The following PTCH1 variants were observed in gnomAD, a reference collection of about 807,000 sequenced individuals.
The protein encoded by PTCH1 is protein patched homolog 1.
In PTCH1, 14 loss-of-function variants were observed where a neutral mutation model predicts 144.6. That is an observed-to-expected ratio of 0.10 (90% CI 0.06 to 0.15). The LOEUF is 0.15. Among genes scored for constraint, PTCH1 ranks in the 10% least tolerant of loss-of-function variants. The pLI, the probability that PTCH1 is intolerant of heterozygous loss-of-function variation, is 1.00. For missense variants in PTCH1, 1,623 were observed against 1,948.3 expected (o/e 0.83, Z 3.14); for synonymous variants, 833 against 793.6 (o/e 1.05, Z -0.83).
rs781080456 is a variant in PTCH1 at position 95,449,187 on chromosome 9, G to A, written c.3686C>T (p.Thr1229Met). ...CTCCTCGCTGAGGCCTGACACTGTC[G>A]TCTGGGAACTATACTCCGAGTCGGA... ...DSSDSEYSSQ[T>M]TVSGLSEELR... The change falls in exon 22 of 24, where the codon ACG (threonine) becomes ATG (methionine). Residue 1229 changes from threonine (T) to methionine (M), a missense_variant. By Grantham distance (81) the Thr-to-Met change is moderately conservative (BLOSUM62 -1). Around this residue, in one of 7 missense-constraint regions of PTCH1, gnomAD observed 504 missense variants for 679.3 expected, o/e 0.74. Coordinates refer to ENST00000331920, the MANE Select transcript of PTCH1 (RefSeq NM_000264.5). This position sits in a 1 kb window ranked among gnomAD's most constrained non-coding sequence, Gnocchi z 5.3. 16 of 1,611,494 alleles carry A rather than the reference G, an allele frequency of 9.9e-6. No homozygotes were observed. The highest frequency in any genetic ancestry group is 1.7e-5 in the Admixed American group (1 of 59,506).
intron 12 of PTCH1, among the ~76,000 whole-genome samples, chr9:95,470,636 A>G (rs1440226893): frequency 2.0e-5 from 3 of 152,196 alleles, no homozygotes; most frequent in African/African-American, 7.2e-5. Context: ...CCTAGTAAAA[A>G]TTACAAAATT....
intron 20 of PTCH1, chr9:95,451,341 T>A (rs1398370211): frequency 6.6e-6 from 1 of 152,208 alleles, no homozygotes; most frequent in Non-Finnish European, 1.5e-5. Context: ...CAGTGTCTGC[T>A]CATTTATTTG....
At chr9:95,467,092 C>CCTCCCAG in intron 15 of PTCH1, 24 bp downstream of exon 15, 1 of 1,612,444 alleles carries the variant, frequency 6.2e-7, no homozygotes, top group Non-Finnish European at 8.5e-7. Context: ...ACCGAAAGGA[C>CCTCCCAG]GAGAGCCTCC....
Position 95,507,939 on chromosome 9 carries a change from C to T in PTCH1, c.201+222G>A, listed in dbSNP as rs1843852240. 9 of 1,449,496 alleles carry T rather than the reference C, an allele frequency of 6.2e-6. No homozygotes were observed. The South Asian group carries it at 9.6e-5, about 15-fold the overall frequency. The allele number at this position is 1,449,496 out of a possible 1,614,324, so 89.8% of individuals were successfully genotyped here. ...ACACACGCACACACACACACCTCCA[C>T]CCCCTGCGGACCTCAGACAGCCCTT... On this transcript the variant is annotated intron_variant, in intron 1 of 23. Coordinates refer to ENST00000331920, the MANE Select transcript of PTCH1 (RefSeq NM_000264.5).
intron 2 of PTCH1, among the ~76,000 whole-genome samples, chr9:95,504,322 G>A (rs375797028): frequency 6.6e-6 from 1 of 152,144 alleles, no homozygotes; most frequent in East Asian, 1.9e-4. Context: ...AAAACTGCTA[G>A]GAAGCACACT....
At chr9:95,504,863 A>G (rs2118849105) in intron 2 of PTCH1, among the ~76,000 whole-genome samples, 1 of 152,320 alleles carries the variant, frequency 6.6e-6, no homozygotes. Flanking sequence ...AGTGTCGCAC[A>G]CACTTGAGTC....
At chr9:95,466,023 G>T (rs1358620436) in intron 15 of PTCH1, among the ~76,000 whole-genome samples, 1 of 152,102 alleles carries the variant, frequency 6.6e-6, no homozygotes, top group Non-Finnish European at 1.5e-5. Flanking sequence ...TTCTAAGAGT[G>T]AAGAAGCCAA....
intron 5 of PTCH1, among the ~76,000 whole-genome samples, chr9:95,481,090 T>C (rs1841499181): frequency 6.6e-6 from 1 of 152,192 alleles, no homozygotes; most frequent in African/African-American, 2.4e-5. Context: ...GCCTCTGCCA[T>C]CACCACCATC....
chr9:95,467,550 GTTGTTCTCCCATAGGAA>G, intron 14 of PTCH1, 125 bp from the exon 15 acceptor site: 1 of 926,644 alleles, frequency 1.1e-6, no homozygotes, highest in South Asian at 1.4e-5. Context: ...TCTTGTAGGG[GTTGTTCTCCCATAGGAA>G]AAAGGATAAA....
At chr9:95,488,553 C>T (rs969951865) in intron 2 of PTCH1, among the ~76,000 whole-genome samples, 4 of 148,040 alleles carry the variant, frequency 2.7e-5, no homozygotes, top group Non-Finnish European at 6.0e-5. Flanking sequence ...AGTTTAGTTG[C>T]CACCCATTTT....
At chr9:95,466,802 C>T (rs1355235917) in intron 15 of PTCH1, among the ~76,000 whole-genome samples, 1 of 152,196 alleles carries the variant, frequency 6.6e-6, no homozygotes, top group Middle Eastern at 3.2e-3. Flanking sequence ...AAACTAGCCA[C>T]CGTCTATCCA....
intron 2 of PTCH1, among the ~76,000 whole-genome samples, chr9:95,493,410 G>T (rs1842565940): frequency 1.3e-5 from 2 of 152,204 alleles, no homozygotes; most frequent in African/African-American, 4.8e-5. Context: ...GGGCACCAGG[G>T]GCATGGCACA....
At chr9:95,511,522 G>C (rs1844160770), upstream of PTCH1, among the ~76,000 whole-genome samples, 1 of 152,176 alleles carries the variant, frequency 6.6e-6, no homozygotes, top group Non-Finnish European at 1.5e-5. Flanking sequence ...CTGAGCACCG[G>C]GCCAGCGCGG....
Position 95,447,131 on chromosome 9 carries a change from G to C in PTCH1, c.4125C>G (p.Ala1375=), listed in dbSNP as rs775974258. The change falls in exon 23 of 24, where the codon GCC becomes GCG. Residue 1375 remains alanine (A), a synonymous_variant. Transcript: ENST00000331920. ...CQPITTVTAS[A]SVTVAVHPPP... is the part of the protein sequence containing the mutation. ...GCGGGTGCACGGCGACAGTCACGGA[G>C]GCAGAAGCCGTCACAGTGGTGATGG... The C allele has an allele frequency of 3.1e-6, 5 of 1,613,114 alleles. No homozygotes were observed. The highest frequency in any genetic ancestry group is 1.3e-5 in the African/African-American group (1 of 74,946).
chr9:95,461,913 A>G lies in PTCH1; in HGVS notation c.2646T>C (p.Leu882=). 1 of 1,614,232 alleles carries G rather than the reference A, an allele frequency of 6.2e-7. No individual in the cohort carries two copies. The highest frequency in any genetic ancestry group is 8.5e-7 in the Non-Finnish European group (1 of 1,180,046). Residue 882 remains leucine, a synonymous_variant, in exon 16 of 24, where the codon CTT becomes CTC. Coordinates refer to ENST00000331920, the MANE Select transcript of PTCH1 (RefSeq NM_000264.5). ...CGGTTTGCACCAGGAGTTTGTAGGCAAGGACTCCATCGTCTGATCCATTCT... is the reference window on the plus strand; with the variant it reads ...CGGTTTGCACCAGGAGTTTGTAGGCGAGGACTCCATCGTCTGATCCATTCT... The part of the protein sequence containing the change: ...NYKNGSDDGV[L]AYKLLVQTGS...
intron 14 of PTCH1, 48 bp from the exon 15 acceptor site, chr9:95,467,473 T>A: frequency 6.3e-7 from 1 of 1,578,634 alleles, no homozygotes; most frequent in South Asian, 1.1e-5. Flanking sequence ...CACCACTGAC[T>A]CTTCCTGGAC....
At chr9:95,479,839 C>T (rs962956481) in intron 7 of PTCH1, 130 bp downstream of exon 7, 36 of 1,460,000 alleles carry the variant, frequency 2.5e-5, no homozygotes, top group South Asian at 5.8e-5. Flanking sequence ...TATTCTATGA[C>T]GCCACCTGGC....
intron 2 of PTCH1, among the ~76,000 whole-genome samples, chr9:95,502,832 T>C (rs1843247931): frequency 6.6e-6 from 1 of 152,168 alleles, no homozygotes; most frequent in South Asian, 2.1e-4. Flanking sequence ...AAAGCCACAT[T>C]TCCCCAGCAT....
At position 95,444,497 on chromosome 9, in the gene PTCH1, A is replaced by G. The variant is rs949498288; in HGVS notation, c.*1896T>C. ...CAGGGTCCCCAGCAGAGACACACAC[A>G]CACGCACGCACGCACACACACACAC... On this transcript the variant is annotated 3_prime_UTR_variant, in exon 24 of 24. Transcript: ENST00000331920. 6.7e-4 allele frequency: 96 copies of G among 144,236 alleles called. No homozygotes were observed. Among genetic ancestry groups the G allele is most frequent in the Non-Finnish European group, 8.5e-4 (58 of 68,534 alleles). The allele number at this position is 144,236 out of a possible 1,614,324, so 8.9% of individuals were successfully genotyped here. A position where few individuals can be genotyped will look rare whatever the true frequency, so the allele number is the denominator to read the frequency against.
Sources: gnomAD v4.1 joint callset for allele counts (sites outside exome capture counted in the v4.1 genomes callset) on GRCh38, gnomAD v4.1.1 for gene constraint, gnomAD v4.1.1 regional missense constraint, Gnocchi (gnomAD v3.1) non-coding constraint, MANE v1.5 for transcripts, NCBI Gene and HGNC (gene_info 2026-07-23, HGNC 2026-07-21) for gene names.